Variants in PIWIL1 observed in about 807,000 individuals in gnomAD.
The protein encoded by PIWIL1 is piwi-like protein 1.
PIWIL1 carries 73 observed loss-of-function variants against 114.4 expected under a neutral mutation model. That is an observed-to-expected ratio of 0.64 (90% CI 0.53 to 0.78). The LOEUF is 0.78. Among genes scored for constraint, PIWIL1 ranks in the 30% least tolerant of loss-of-function variants. The probability of loss-of-function intolerance (pLI) is 0.00; values close to 1 mark genes in which losing one functional copy is unlikely to be tolerated. For synonymous variants in PIWIL1, 375 were observed against 369.0 expected (o/e 1.02, Z -0.19); for missense variants, 723 against 1,063.1 (o/e 0.68, Z 4.45).
chr12:130,379,992 C>G, the PIWIL1 span, among the ~76,000 whole-genome samples: 1 of 95,118 alleles, frequency 1.1e-5, no homozygotes, highest in Non-Finnish European at 2.0e-5. Context: ...ATTGACAGTT[C>G]CTTCAACTCC....
the PIWIL1 span, among the ~76,000 whole-genome samples, chr12:130,422,749 G>A: frequency 1.3e-5 from 2 of 152,206 alleles, no homozygotes; most frequent in Non-Finnish European, 2.9e-5. This position sits in a 1 kb window ranked among gnomAD's most constrained non-coding sequence, Gnocchi z 5.2. Flanking sequence ...CTGTCTACTC[G>A]GAGCCGCTGC....
At chr12:130,408,621 G>A in the PIWIL1 span, among the ~76,000 whole-genome samples, 1 of 152,198 alleles carries the variant, frequency 6.6e-6, no homozygotes, top group African/African-American at 2.4e-5. Context: ...CTCTCAGGAC[G>A]TAAGGAGGCC....
the PIWIL1 span, among the ~76,000 whole-genome samples, chr12:130,401,118 C>CTT: frequency 6.7e-6 from 1 of 149,680 alleles, no homozygotes; most frequent in African/African-American, 2.5e-5. Flanking sequence ...GATTTTATAT[C>CTT]TTTTTTTTTT....
chr12:130,364,492 T>C (rs2073601272), intron 18 of PIWIL1, among the ~76,000 whole-genome samples: 1 of 152,238 alleles, frequency 6.6e-6, no homozygotes, highest in African/African-American at 2.4e-5. Context: ...TGTGATGCCG[T>C]GAAGGTCTCA....
chr12:130,406,572 G>A, the PIWIL1 span, among the ~76,000 whole-genome samples: 5 of 152,214 alleles, frequency 3.3e-5, no homozygotes, highest in African/African-American at 1.2e-4. Context: ...TTAGGGAAAT[G>A]TTCTCTGCAG....
At chr12:130,416,382 G>A in the PIWIL1 span, among the ~76,000 whole-genome samples, 2 of 152,118 alleles carry the variant, frequency 1.3e-5, no homozygotes, top group African/African-American at 4.8e-5. Context: ...CAGACACACA[G>A]ACTAATGGAA....
intron 9 of PIWIL1, chr12:130,351,510 G>T (rs986983778): frequency 3.9e-5 from 6 of 152,154 alleles, no homozygotes; most frequent in Non-Finnish European, 7.3e-5. Flanking sequence ...CTCCCATGTT[G>T]CCAGTGTTGA....
chr12:130,395,434 GTACT>G, the PIWIL1 span, among the ~76,000 whole-genome samples: 1 of 152,102 alleles, frequency 6.6e-6, no homozygotes, highest in Admixed American at 6.6e-5. Flanking sequence ...TAGGAAAATT[GTACT>G]TACTTATAAA....
intron 1 of PIWIL1, among the ~76,000 whole-genome samples, chr12:130,341,961 T>C (rs2072928089): frequency 6.6e-6 from 1 of 152,296 alleles, no homozygotes; most frequent in East Asian, 1.9e-4. Flanking sequence ...ATTCTTTTTA[T>C]TTAGATATAA....
At chr12:130,360,125 C>T (rs1422269275) in intron 14 of PIWIL1, among the ~76,000 whole-genome samples, 2 of 152,152 alleles carry the variant, frequency 1.3e-5, no homozygotes, top group African/African-American at 2.4e-5. Context: ...ATAAACAATA[C>T]ATCTGTGTTG....
intron 8 of PIWIL1, 89 bp from the exon 9 acceptor site, chr12:130,349,767 T>G (rs1437529554): frequency 1.3e-6 from 1 of 771,616 alleles, no homozygotes; most frequent in Non-Finnish European, 2.1e-6. Flanking sequence ...GATTTGAAAT[T>G]TTAGAGAATA....
chr12:130,396,648 A>C, the PIWIL1 span: 1 of 152,666 alleles, frequency 6.6e-6, no homozygotes, highest in Admixed American at 6.5e-5. Context: ...AGCAATGAAG[A>C]TAATCGGCTT....
At chr12:130,414,359 C>T in the PIWIL1 span, 14 of 1,498,168 alleles carry the variant, frequency 9.3e-6, no homozygotes, top group Admixed American at 4.5e-5. Flanking sequence ...AACTGAGGAG[C>T]GTGCACGGGA....
chr12:130,393,089 C>T, the PIWIL1 span, among the ~76,000 whole-genome samples: 6 of 147,938 alleles, frequency 4.1e-5, no homozygotes, highest in Admixed American at 2.0e-4. Context: ...ACCCAGTCAC[C>T]GTCATCACGT....
At chr12:130,342,190 GTC>G (rs2072939425) in intron 1 of PIWIL1, 12 of 188,846 alleles carry the variant, frequency 6.4e-5, no homozygotes, top group Non-Finnish European at 7.7e-5. Flanking sequence ...GTGTGTGTGT[GTC>G]TGTGTATGGG....
In PIWIL1 at chr12:130,358,334, G is replaced by A. The variant is rs543425073; in HGVS notation, c.1665+781G>A. On this transcript the variant is annotated intron_variant, in intron 14 of 20. Transcript: ENST00000245255. Reference sequence around the variant, plus strand: ...GGGACATGCAGCAAGTGTGTGTTGTGGTTTCATTTTTGTTGTAATCTGTAG... The same window carrying A: ...GGGACATGCAGCAAGTGTGTGTTGTAGTTTCATTTTTGTTGTAATCTGTAG... Among the ~76,000 whole-genome samples the A allele has an allele frequency of 2.0e-5, 3 of 152,256 alleles. No individual in the cohort carries two copies. The South Asian group carries it at 6.2e-4, about 32-fold the overall frequency.
intron 9 of PIWIL1, among the ~76,000 whole-genome samples, chr12:130,354,206 CAG>C (rs547587687): frequency 3.0e-4 from 46 of 152,180 alleles, no homozygotes; most frequent in African/African-American, 1.1e-3. Context: ...GGTGAAGTTG[CAG>C]AGTTACACAG....
chr12:130,404,748 T>C, the PIWIL1 span, among the ~76,000 whole-genome samples: 1 of 152,144 alleles, frequency 6.6e-6, no homozygotes, highest in African/African-American at 2.4e-5. Flanking sequence ...AAAAGCTAAA[T>C]GTACATCTAA....
At chr12:130,353,081 G>A (rs1369666836) in intron 9 of PIWIL1, among the ~76,000 whole-genome samples, 2 of 152,234 alleles carry the variant, frequency 1.3e-5, no homozygotes, top group Non-Finnish European at 2.9e-5. Context: ...AAATATGCAA[G>A]CACCCTTAGT....
Sources: allele counts gnomAD v4.1 joint callset (sites outside exome capture counted in the v4.1 genomes callset), GRCh38; gene constraint gnomAD v4.1.1; non-coding constraint Gnocchi (gnomAD v3.1); transcripts MANE v1.5; gene names NCBI Gene and HGNC (gene_info 2026-07-23, HGNC 2026-07-21).